Variants in OGG1 observed in about 807,000 individuals in gnomAD.
OGG1 encodes 8-oxoguanine DNA glycosylase, also known as N-glycosylase/DNA lyase.
Under a neutral mutation model 42.3 loss-of-function variants are expected in OGG1, and 35 were observed. That is an observed-to-expected ratio of 0.83 (90% CI 0.63 to 1.10). The LOEUF (loss-of-function observed/expected upper bound fraction) is 1.10, where lower values mean the gene tolerates loss of function less well. Among genes scored for constraint, OGG1 ranks in the 50% least tolerant of loss-of-function variants. The pLI is 0.00. For synonymous variants in OGG1, 189 were observed against 179.0 expected, an observed-to-expected ratio of 1.06 and a Z score of -0.44; for missense variants, 484 against 446.7, an observed-to-expected ratio of 1.08 and a Z score of -0.75.
chr3:9,769,910 G>T (rs1180589263), downstream of OGG1: 1 of 152,242 alleles, frequency 6.6e-6, no homozygotes, highest in East Asian at 1.9e-4. Context: ...CCTCACCGCT[G>T]CGTGCCTGGG....
rs527262040 is a variant in OGG1 at position 9,787,617 on chromosome 3, G to C, written c.383-111G>C. ...CAGAATACGTACACAGATTGTCTCA[G>C]GTCACAGCAATTGCCTCTCGAGAGA... On this transcript the variant is annotated intron_variant, in intron 3 of 3. Coordinates refer to the OGG1 transcript ENST00000426518. 188 of 1,221,430 alleles carry C rather than the reference G, an allele frequency of 1.5e-4. 2 individuals are homozygous for C. The South Asian group carries it at 2.4e-3, about 15-fold the overall frequency. 75.7% of individuals were successfully genotyped at this position (1,221,430 alleles called of 1,614,324 possible).
At chr3:9,751,509 C>G (rs949027009) in intron 2 of OGG1, among the ~76,000 whole-genome samples, 1 of 152,140 alleles carries the variant, frequency 6.6e-6, no homozygotes, top group Non-Finnish European at 1.5e-5. Context: ...CGGGGATACA[C>G]CAGTGAACAA....
downstream of OGG1, chr3:9,761,274 G>T (rs775703128): frequency 7.5e-5 from 46 of 615,866 alleles, no homozygotes; most frequent in Middle Eastern, 1.8e-3. Context: ...ATTTACCCCA[G>T]TGCTTGCTTG....
intron 3 of OGG1, chr3:9,787,280 G>C: frequency 6.2e-7 from 1 of 1,614,192 alleles, no homozygotes. Flanking sequence ...CCATCCTTCT[G>C]CTCCTCCAGC....
At chr3:9,767,786 A>G, downstream of OGG1, 3 of 1,612,568 alleles carry the variant, frequency 1.9e-6, no homozygotes, top group Non-Finnish European at 8.5e-7. Context: ...GGGCTCCTGT[A>G]AGGAGAATGG....
rs550580637 is a variant in OGG1 at position 9,751,674 on chromosome 3, C to T, written c.386-96C>T. ...CTGACTCTCATTCTCCTGGGATCCT[C>T]CTGGAGTTTTGGTACCTAGGATCTG... is the stretch of plus-strand genomic sequence containing the variant. On this transcript the variant is annotated intron_variant, in intron 2 of 6. Transcript: ENST00000344629. 227 of 1,126,066 alleles carry T rather than the reference C, an allele frequency of 2.0e-4. 3 individuals are homozygous for T. In the South Asian group the frequency reaches 2.7e-3, roughly 13 times the overall value. The allele number at this position is 1,126,066 out of a possible 1,614,324, so 69.8% of individuals were successfully genotyped here.
At chr3:9,757,587 G>A (rs750813466), downstream of OGG1, 79 of 1,614,164 alleles carry the variant, frequency 4.9e-5, no homozygotes, top group East Asian at 1.3e-3. This position sits in a 1 kb window ranked among gnomAD's most constrained non-coding sequence, Gnocchi z 4.5. Flanking sequence ...CCGGCTCCAC[G>A]CAGCAGTCTC....
chr3:9,781,803 T>A (rs1205619792), intron 3 of OGG1, among the ~76,000 whole-genome samples: 1 of 151,024 alleles, frequency 6.6e-6, no homozygotes, highest in South Asian at 2.1e-4. Context: ...TCCTGAGAGC[T>A]GCAAGCCATT....
chr3:9,756,638 G>C lies in OGG1; in HGVS notation c.898+17G>C. 1 of 1,612,378 alleles carries C rather than the reference G, an allele frequency of 6.2e-7. No individual in the cohort carries two copies. Among genetic ancestry groups the C allele is most frequent in the Non-Finnish European group, 8.5e-7 (1 of 1,178,434 alleles). Reference sequence around the variant, plus strand: ...AGGAACTGGGTGAGGAAAGTGGGCTGCAGGGGCTGGCAGTGGGCTGGGATG... The same window carrying C: ...AGGAACTGGGTGAGGAAAGTGGGCTCCAGGGGCTGGCAGTGGGCTGGGATG... On this transcript the variant is annotated intron_variant, in intron 5 of 6. Transcript: ENST00000344629.
downstream of OGG1, among the ~76,000 whole-genome samples, chr3:9,770,856 GGC>G (rs948017501): frequency 3.3e-5 from 5 of 151,998 alleles, no homozygotes; most frequent in Admixed American, 6.6e-5. Context: ...AGCCGGAGGA[GGC>G]ACGTTGCTTG....
intron 3 of OGG1, chr3:9,783,884 C>A: frequency 7.2e-7 from 1 of 1,380,576 alleles, no homozygotes; most frequent in Non-Finnish European, 9.5e-7. Context: ...GTGGACTGGC[C>A]ACTGCTGTTT....
At chr3:9,786,917 TA>T in intron 3 of OGG1, 1 of 1,268,092 alleles carries the variant, frequency 7.9e-7, no homozygotes, top group Non-Finnish European at 1.1e-6. Flanking sequence ...ACCAACCTAA[TA>T]AATGTATGAT....
chr3:9,757,440 A>T (rs2077631393), downstream of OGG1: 2 of 1,607,304 alleles, frequency 1.2e-6, no homozygotes, highest in Admixed American at 1.7e-5. This position sits in a 1 kb window ranked among gnomAD's most constrained non-coding sequence, Gnocchi z 4.5. Context: ...GCAGGTGAGG[A>T]GGGGACAGGG....
chr3:9,789,688 CCTT>C (rs1311840957), downstream of OGG1: 1 of 1,609,218 alleles, frequency 6.2e-7, no homozygotes, highest in East Asian at 2.2e-5. Context: ...CTTGAGGCCC[CCTT>C]CTATGTTCTC....
rs780056854 is a variant in OGG1 at position 9,757,133 on chromosome 3, A to G, written c.1021A>G (p.Lys341Glu). 6.2e-7 allele frequency: 1 copy of G among 1,614,146 alleles called. No individual in the cohort carries two copies. Among genetic ancestry groups the G allele is most frequent in the Admixed American group, 1.7e-5 (1 of 60,016 alleles). ...EPPAKRRKGS[K>E]GPEG ...ACCAGCAAAGCGCAGAAAGGGTTCC[A>G]AAGGGCCGGAAGGCTAGATGGGGCA... Residue 341 changes from lysine (K) to glutamate (E), a missense_variant, in exon 7 of 7, where the codon AAA becomes GAA. Transcript: ENST00000344629. The surrounding 1 kb of genome is among the most constrained non-coding windows in gnomAD (Gnocchi z 4.5).
rs529550683 is a variant in OGG1 at position 9,772,759 on chromosome 3, GA to G, written c.295-8752del. ...GTGTACTGTAATGGGCAGCCATAAG[GA>G]ATGGAAGAGGTATCTTGTCCAAAGG... On this transcript the variant is annotated intron_variant, in intron 2 of 3. Transcript: ENST00000426518. Among the ~76,000 whole-genome samples the G allele has an allele frequency of 4.6e-5, 7 of 152,260 alleles. No homozygotes were observed. In the South Asian group the frequency reaches 1.4e-3, roughly 32 times the overall value.
At chr3:9,780,667 A>T in intron 2 of OGG1, 1 of 1,052,926 alleles carries the variant, frequency 9.5e-7, no homozygotes, top group Non-Finnish European at 1.3e-6. Flanking sequence ...ATTGTGTCAT[A>T]CAGTCGTGAC....
downstream of OGG1, chr3:9,761,360 G>A: frequency 8.4e-7 from 1 of 1,193,396 alleles, no homozygotes; most frequent in Non-Finnish European, 1.2e-6. Flanking sequence ...GGGAGGGAGG[G>A]AAGGAAGGGA....
intron 3 of OGG1, chr3:9,787,224 C>T (rs150754899): frequency 1.7e-5 from 28 of 1,614,174 alleles, no homozygotes; most frequent in African/African-American, 1.7e-4. Context: ...CGGTCAGTGG[C>T]CCCATGAGGC....
Sources: gnomAD v4.1 joint callset for allele counts (sites outside exome capture counted in the v4.1 genomes callset) on GRCh38, gnomAD v4.1.1 for gene constraint, Gnocchi (gnomAD v3.1) non-coding constraint, MANE v1.5 for transcripts, NCBI Gene and HGNC (gene_info 2026-07-23, HGNC 2026-07-21) for gene names.